Variants in LAMA5 observed in about 807,000 individuals in gnomAD.
The protein encoded by LAMA5 is laminin subunit alpha 5.
LAMA5 carries 260 observed loss-of-function variants against 433.4 expected under a neutral mutation model. The observed-to-expected ratio is 0.60, with a 90% CI of 0.54 to 0.66. LAMA5 has a LOEUF of 0.66. LAMA5 is among the 30% of genes least tolerant of loss of function. The pLI, the probability that LAMA5 is intolerant of heterozygous loss-of-function variation, is 0.00. For missense variants in LAMA5, 5,378 were observed against 5,258.5 expected (o/e 1.02, Z -0.70); for synonymous variants, 2,620 against 2,226.6 (o/e 1.18, Z -4.97).
At chr20:62,351,885 C>T in intron 5 of LAMA5, 24 bp downstream of exon 5, 1 of 1,578,210 alleles carries the variant, frequency 6.3e-7, no homozygotes, top group African/African-American at 1.3e-5. Flanking sequence ...TCCCCCTCCC[C>T]CGCCTGCGCC....
At chr20:62,339,313 C>T (rs1219953838) in intron 11 of LAMA5, among the ~76,000 whole-genome samples, 1 of 134,532 alleles carries the variant, frequency 7.4e-6, no homozygotes, top group Non-Finnish European at 1.5e-5. Context: ...TCTGGGCTCA[C>T]TGCAAGCTCT....
chr20:62,330,407 T>C, intron 31 of LAMA5, 81 bp downstream of exon 31: 1 of 1,443,356 alleles, frequency 6.9e-7, no homozygotes, highest in South Asian at 1.4e-5. Context: ...TCATAGCAGG[T>C]AGCACAGGCC....
At position 62,310,693 on chromosome 20, in the gene LAMA5, G is replaced by A. The variant is rs375051409; in HGVS notation, c.10418C>T (p.Pro3473Leu). Residue 3473 changes from proline (P) to leucine (L), a missense_variant, in exon 75 of 80, where the codon CCG becomes CTG. Transcript: ENST00000252999. ...AAGTTTGGAGCTGTGGCTGCTGGCC[G>A]GGAGGCCGCCCACAAAGAGGGTGTG... Reference protein sequence around the residue: ...QPHTLFVGGLPASSHSSKLPV... With the variant: ...QPHTLFVGGLLASSHSSKLPV... 110 of 1,602,178 alleles carry A rather than the reference G, an allele frequency of 6.9e-5. No homozygotes were observed. The highest frequency in any genetic ancestry group is 7.1e-5 in the Non-Finnish European group (84 of 1,177,954).
rs563942709 is a variant in LAMA5 at position 62,325,521 on chromosome 20, C to T, written c.5324G>A (p.Arg1775His). 3.0e-5 allele frequency: 48 copies of T among 1,611,126 alleles called. No homozygotes were observed. Among genetic ancestry groups the T allele is most frequent in the Admixed American group, 1.8e-4 (11 of 59,802 alleles). Residue 1775 changes from arginine to histidine, a missense_variant, in exon 41 of 80, where the codon CGC becomes CAC. Physicochemically the swap from Arg to His is conservative, Grantham distance 29 (BLOSUM62 0). Transcript: ENST00000252999. ...VEGNFRHTET[R>H]NTVSREELMM... Reference sequence around the variant, plus strand: ...GAGCTCCTCGCGGGACACAGTGTTGCGCGTCTCCGTATGCCGGAAGTTCCC... The same window carrying T: ...GAGCTCCTCGCGGGACACAGTGTTGTGCGTCTCCGTATGCCGGAAGTTCCC...
chr20:62,322,175 T>TG lies in LAMA5; in HGVS notation c.6347-8dup, dbSNP rs778709010. ...CCCCCAGGGCACTGGCAGCCTGTGG[T>TG]GGGGGGCTTGGGTGAGCATGGCTGG... On this transcript the variant is annotated splice_polypyrimidine_tract_variant and splice_region_variant and intron_variant, in intron 47 of 79. Coordinates refer to ENST00000252999, the MANE Select transcript of LAMA5 (RefSeq NM_005560.6). 8.8e-6 allele frequency: 14 copies of TG among 1,586,304 alleles called. No homozygotes were observed. The highest frequency in any genetic ancestry group is 5.4e-5 in the African/African-American group (4 of 74,246).
chr20:62,329,954 C>G, intron 31 of LAMA5, 38 bp from the exon 32 acceptor site: 3 of 1,600,376 alleles, frequency 1.9e-6, no homozygotes, highest in Non-Finnish European at 2.6e-6. Flanking sequence ...GCCCCCATCT[C>G]TAGCGCCCCC....
In LAMA5 at chr20:62,312,523, C is replaced by T; in HGVS notation, c.9237G>A (p.Arg3079=). 1 of 1,599,148 alleles carries T rather than the reference C, an allele frequency of 6.3e-7. No homozygotes were observed. The highest frequency in any genetic ancestry group is 8.5e-7 in the Non-Finnish European group (1 of 1,179,594). ...PPDQLPPSLR[R]LFPTGGSVRG... is the part of the protein sequence containing the mutation. ...GGACTGAGCCTCCGGTGGGGAAGAG[C>T]CGTCGCAGGCTGTGGGGAAGCGGGG... The change falls in exon 68 of 80, where the codon CGG becomes CGA. Residue 3079 remains arginine, a synonymous_variant. Coordinates refer to ENST00000252999, the MANE Select transcript of LAMA5 (RefSeq NM_005560.6).
Position 62,315,886 on chromosome 20 carries a change from C to T in LAMA5, c.7867+62G>A, listed in dbSNP as rs917644603. On this transcript the variant is annotated intron_variant, in intron 58 of 79. Coordinates refer to ENST00000252999, the MANE Select transcript of LAMA5 (RefSeq NM_005560.6). ...GTGCTCACCAACCACATGTGGCCAGCGCCACTGTCACAGAGCCTCATGGTC... is the reference window on the plus strand; with the variant it reads ...GTGCTCACCAACCACATGTGGCCAGTGCCACTGTCACAGAGCCTCATGGTC... The T allele has an allele frequency of 8.8e-5, 112 of 1,270,618 alleles. 2 individuals are homozygous for T. In the Admixed American group the frequency reaches 1.6e-3, roughly 19 times the overall value. The allele number at this position is 1,270,618 out of a possible 1,614,324, so 78.7% of individuals were successfully genotyped here. A position where few individuals can be genotyped will look rare whatever the true frequency, so the allele number is the denominator to read the frequency against.
At position 62,333,933 on chromosome 20, in the gene LAMA5, C is replaced by G. The variant is rs752710657; in HGVS notation, c.2846G>C (p.Arg949Pro). ...GCAGGTGGCCGACCTGCCCTCCTCT[C>G]GCACAGAGACCCGCCCGCTCACACT... ...AMSVSGRVSV[R>P]EEGRSATCAN... The change falls in exon 23 of 80, where the codon CGA becomes CCA. Residue 949 changes from arginine to proline, a missense_variant. By Grantham distance (103) the Arg-to-Pro change is moderately radical (BLOSUM62 -2). Coordinates refer to ENST00000252999, the MANE Select transcript of LAMA5 (RefSeq NM_005560.6). The G allele has an allele frequency of 3.1e-6, 5 of 1,611,022 alleles. No individual in the cohort carries two copies. Among genetic ancestry groups the G allele is most frequent in the Non-Finnish European group, 4.2e-6 (5 of 1,179,076 alleles).
intron 45 of LAMA5, 117 bp downstream of exon 45, chr20:62,323,339 T>G (rs537962628): frequency 1.2e-6 from 1 of 861,476 alleles, no homozygotes; most frequent in South Asian, 1.8e-5. Context: ...GGCTCCGACT[T>G]GTCCTGGCTG....
intron 48 of LAMA5, 129 bp downstream of exon 48, chr20:62,321,890 G>T: frequency 1.1e-6 from 1 of 897,320 alleles, no homozygotes; most frequent in Non-Finnish European, 1.8e-6. Context: ...ACAGGCATGG[G>T]TCTCTCGGGA....
At chr20:62,347,738 C>T (rs529987930) in intron 6 of LAMA5, among the ~76,000 whole-genome samples, 2 of 152,320 alleles carry the variant, frequency 1.3e-5, no homozygotes, top group South Asian at 4.1e-4. Context: ...GAGTCCCTGC[C>T]CCAGATCAGG....
At chr20:62,322,901 C>G in intron 45 of LAMA5, 143 bp from the exon 46 acceptor site, 1 of 580,668 alleles carries the variant, frequency 1.7e-6, no homozygotes, top group Non-Finnish European at 3.0e-6. Context: ...CACTCGTGTC[C>G]CAGCCTGGCC....
intron 6 of LAMA5, among the ~76,000 whole-genome samples, chr20:62,347,847 C>A (rs1055408796): frequency 2.0e-5 from 3 of 152,180 alleles, no homozygotes; most frequent in Non-Finnish European, 4.4e-5. Flanking sequence ...TGGTCCAGCT[C>A]TAGTCCTGTC....
At chr20:62,317,970 T>G (rs1309910930) in intron 53 of LAMA5, among the ~76,000 whole-genome samples, 192 bp from the exon 54 acceptor site, 2 of 14,134 alleles carry the variant, frequency 1.4e-4, no homozygotes, top group Non-Finnish European at 1.3e-4. Context: ...GAGAGAAAAG[T>G]GGGGAAGAAG....
rs767670182 is a variant in LAMA5, at chr20:62,316,087, G to A, written c.7757-29C>T. On this transcript the variant is annotated intron_variant, in intron 57 of 79. Coordinates refer to ENST00000252999, the MANE Select transcript of LAMA5 (RefSeq NM_005560.6). Reference sequence around the variant, plus strand: ...CGGGGGAGGCAGCTTCAGCTCCCAGGCAGCTTCACCCCCAGTATACAATTG... The same window carrying A: ...CGGGGGAGGCAGCTTCAGCTCCCAGACAGCTTCACCCCCAGTATACAATTG... The A allele has an allele frequency of 7.9e-6, 12 of 1,515,512 alleles. No homozygotes were observed. In the East Asian group the frequency reaches 2.3e-4, roughly 29 times the overall value. The allele number at this position is 1,515,512 out of a possible 1,614,324, so 93.9% of individuals were successfully genotyped here. A position where few individuals can be genotyped will look rare whatever the true frequency, so the allele number is the denominator to read the frequency against.
At chr20:62,332,517 C>T (rs748193845) in intron 27 of LAMA5, 37 bp from the exon 28 acceptor site, 43 of 1,607,808 alleles carry the variant, frequency 2.7e-5, no homozygotes, top group Admixed American at 2.2e-4. Context: ...GGGGCAGCCC[C>T]GGGCGTGCCC....
rs1200500810 is a variant in LAMA5, at chr20:62,316,788, G to A, written c.7654-15C>T. The A allele has an allele frequency of 1.3e-6, 2 of 1,590,066 alleles. No individual in the cohort carries two copies. Among genetic ancestry groups the A allele is most frequent in the Non-Finnish European group, 1.7e-6 (2 of 1,167,872 alleles). ...CGCACCACCGTCTGTGGATGCCAGG[G>A]CAGACCGTGGCTCAGACACGCAGGC... On this transcript the variant is annotated splice_polypyrimidine_tract_variant and intron_variant, in intron 56 of 79. Transcript: ENST00000252999.
At chr20:62,362,925 AG>A (rs371119393) in intron 1 of LAMA5, among the ~76,000 whole-genome samples, 7 of 152,186 alleles carry the variant, frequency 4.6e-5, no homozygotes, top group African/African-American at 1.7e-4. Flanking sequence ...CCCTGGGGGC[AG>A]GAAGAGTCTC....
Sources: gnomAD v4.1 joint callset for allele counts (sites outside exome capture counted in the v4.1 genomes callset) on GRCh38, gnomAD v4.1.1 for gene constraint, MANE v1.5 for transcripts, NCBI Gene and HGNC (gene_info 2026-07-23, HGNC 2026-07-21) for gene names.